The following NLK variants were observed in gnomAD, a reference collection of about 807,000 sequenced individuals.
NLK encodes serine/threonine-protein kinase NLK.
Under a neutral mutation model 59.0 loss-of-function variants are expected in NLK, and 11 were observed. The observed-to-expected ratio is 0.19, with a 90% CI of 0.12 to 0.31. NLK has a LOEUF of 0.31. NLK is among the 10% of genes least tolerant of loss of function. The pLI is 1.00. For missense variants in NLK, 410 were observed against 661.1 expected (o/e 0.62, Z 4.16); for synonymous variants, 235 against 235.9 (o/e 1.00, Z 0.03).
At chr17:28,159,379 A>G (rs1233820262) in intron 3 of NLK, among the ~76,000 whole-genome samples, 1 of 152,244 alleles carries the variant, frequency 6.6e-6, no homozygotes, top group African/African-American at 2.4e-5. Flanking sequence ...AGCAATGGAT[A>G]GATGTGTGAC....
At chr17:28,199,665 C>CAAAAAAAAAAAAAAAAAAAAAAAAA (rs1303411168), downstream of NLK, among the ~76,000 whole-genome samples, 21 of 33,558 alleles carry the variant, frequency 6.3e-4, no homozygotes, top group Non-Finnish European at 8.7e-4. Flanking sequence ...GACTCTGTCT[C>CAAAAAAAAAAAAAAAAAAAAAAAAA]AAAAAAAAAA....
At chr17:28,111,837 A>T (rs543300612) in intron 1 of NLK, among the ~76,000 whole-genome samples, 1 of 127,028 alleles carries the variant, frequency 7.9e-6, no homozygotes, top group Admixed American at 8.9e-5. Flanking sequence ...GTGCTCAGGC[A>T]TTTTGAGCTA....
chr17:28,092,355 A>G (rs553642790), intron 1 of NLK, among the ~76,000 whole-genome samples: 1 of 152,332 alleles, frequency 6.6e-6, no homozygotes, highest in East Asian at 1.9e-4. Flanking sequence ...ATGTAACAGC[A>G]GTTTCAGAAA....
intron 1 of NLK, among the ~76,000 whole-genome samples, chr17:28,046,382 T>TA (rs1371594698): frequency 6.6e-6 from 1 of 152,212 alleles, no homozygotes; most frequent in Non-Finnish European, 1.5e-5. Flanking sequence ...TATCTCAAAG[T>TA]AAGAGTTCCA....
At chr17:28,064,513 C>G (rs1424551453) in intron 1 of NLK, among the ~76,000 whole-genome samples, 1 of 151,984 alleles carries the variant, frequency 6.6e-6, no homozygotes, top group African/African-American at 2.4e-5. Context: ...AGACTGGGAA[C>G]AAAATTAATA....
chr17:28,155,791 G>C (rs1205516364), intron 3 of NLK, among the ~76,000 whole-genome samples: 1 of 151,688 alleles, frequency 6.6e-6, no homozygotes, highest in East Asian at 1.9e-4. Flanking sequence ...GGGGTGGAGG[G>C]CTGGGGGTGG....
At chr17:28,104,738 T>G (rs912870905) in intron 1 of NLK, among the ~76,000 whole-genome samples, 2 of 152,086 alleles carry the variant, frequency 1.3e-5, no homozygotes, top group Non-Finnish European at 2.9e-5. Flanking sequence ...GGAAGTAACT[T>G]TCAGTTATTT....
intron 1 of NLK, among the ~76,000 whole-genome samples, chr17:28,096,052 T>C (rs1044284515): frequency 2.0e-5 from 3 of 152,214 alleles, no homozygotes; most frequent in Admixed American, 2.0e-4. Flanking sequence ...TAATTGTACA[T>C]TCATGATGAC....
At chr17:28,187,867 T>C (rs1909177371) in intron 8 of NLK, among the ~76,000 whole-genome samples, 1 of 152,148 alleles carries the variant, frequency 6.6e-6, no homozygotes, top group African/African-American at 2.4e-5. Flanking sequence ...GTATATATTC[T>C]TTTGGAACCT....
chr17:28,064,219 G>A (rs1909756796), intron 1 of NLK, among the ~76,000 whole-genome samples: 2 of 118,468 alleles, frequency 1.7e-5, no homozygotes, highest in African/African-American at 6.5e-5. Flanking sequence ...AGGTCTCACT[G>A]TCTTGAACTC....
chr17:28,042,986 T>C lies in NLK; in HGVS notation c.113T>C (p.Leu38Pro). Residue 38 changes from leucine to proline, a missense_variant, in exon 1 of 11, where the codon CTC becomes CCC. By Grantham distance (98) the Leu-to-Pro change is moderately conservative. Coordinates refer to ENST00000407008, the MANE Select transcript of NLK (RefSeq NM_016231.5). ...CACCATCACCACCACCTTCCACACC[T>C]CCCTCCTCCTCACCTGCACCACCAC... ...HHHHHHHLPH[L>P]PPPHLHHHHH... 6.4e-7 allele frequency: 1 copy of C among 1,556,286 alleles called. No homozygotes were observed. Among genetic ancestry groups the C allele is most frequent in the Non-Finnish European group, 8.7e-7 (1 of 1,149,482 alleles).
chr17:28,116,447 T>G (rs535984607), intron 1 of NLK: 3 of 155,460 alleles, frequency 1.9e-5, no homozygotes, highest in Non-Finnish European at 4.3e-5. Flanking sequence ...GCCTCTTTTA[T>G]TTCAAAAATG....
chr17:28,182,494 T>C (rs1314787475), intron 7 of NLK, among the ~76,000 whole-genome samples: 1 of 152,198 alleles, frequency 6.6e-6, no homozygotes. Context: ...GTTTCTGGCC[T>C]TCCAGTGCTG....
rs1235620893 is a variant in NLK at position 28,153,597 on chromosome 17, A to G, written c.645-7563A>G. Among the ~76,000 whole-genome samples, 7 of 152,200 alleles carry G rather than the reference A, an allele frequency of 4.6e-5. No homozygotes were observed. The South Asian group carries it at 1.0e-3, about 22-fold the overall frequency. On this transcript the variant is annotated intron_variant, in intron 3 of 10. Transcript: ENST00000407008. Reference sequence around the variant, plus strand: ...TATTTGGGGGTTAGCATTTCAACCTATGAACTTTGGGGAAGACACAGATGT... The same window carrying G: ...TATTTGGGGGTTAGCATTTCAACCTGTGAACTTTGGGGAAGACACAGATGT...
intron 1 of NLK, among the ~76,000 whole-genome samples, chr17:28,106,823 T>A (rs1218423851): frequency 6.6e-6 from 1 of 152,120 alleles, no homozygotes; most frequent in African/African-American, 2.4e-5. Flanking sequence ...ATTATCCAGC[T>A]CATGAGGCTA....
chr17:28,110,843 GT>G (rs1905436046), intron 1 of NLK, among the ~76,000 whole-genome samples: 1 of 151,090 alleles, frequency 6.6e-6, no homozygotes, highest in Non-Finnish European at 1.5e-5. Flanking sequence ...TTTTTTGTTT[GT>G]TTGTTTTTGT....
At position 28,061,822 on chromosome 17, in the gene NLK, A is replaced by G. The variant is rs537337618; in HGVS notation, c.458+18491A>G. On this transcript the variant is annotated intron_variant, in intron 1 of 10. Transcript: ENST00000407008. ...ATATATACATATACATATATAATAT[A>G]TACATATATACATATACATATATAT... 1.9e-3 allele frequency: 266 copies of G among 143,778 alleles called. 1 individual carries two copies. Among genetic ancestry groups the G allele is most frequent in the African/African-American group, 6.5e-3 (249 of 38,342 alleles). The allele number at this position is 143,778 out of a possible 1,614,324, so 8.9% of individuals were successfully genotyped here. A position where few individuals can be genotyped will look rare whatever the true frequency, so the allele number is the denominator to read the frequency against.
At chr17:28,186,654 C>T (rs867309420) in intron 8 of NLK, among the ~76,000 whole-genome samples, 20 of 152,240 alleles carry the variant, frequency 1.3e-4, no homozygotes, top group Middle Eastern at 3.4e-3. Flanking sequence ...AGAGAGAGAG[C>T]TTGTGCAGGG....
chr17:28,110,686 C>G (rs990822216), intron 1 of NLK, among the ~76,000 whole-genome samples: 3 of 151,886 alleles, frequency 2.0e-5, no homozygotes, highest in African/African-American at 7.3e-5. Flanking sequence ...TTTTTTCAAA[C>G]TTTTTTCTTC....
Sources: allele counts gnomAD v4.1 joint callset (sites outside exome capture counted in the v4.1 genomes callset), GRCh38; gene constraint gnomAD v4.1.1; transcripts MANE v1.5; gene names NCBI Gene and HGNC (gene_info 2026-07-23, HGNC 2026-07-21).